DUOX2: variants seen among roughly 807,000 people sequenced by gnomAD.
DUOX2 encodes the protein NADH/NADPH thyroid oxidase p138-tox.
In DUOX2, 185 loss-of-function variants were observed where a neutral mutation model predicts 183.3. The ratio of observed to expected loss-of-function variants is 1.01; its 90% CI spans 0.90 to 1.14. The LOEUF is 1.14. DUOX2 is among the 50% of genes most tolerant of loss of function. DUOX2 has a pLI of 0.00. For synonymous variants in DUOX2, 788 were observed against 812.4 expected (o/e 0.97, Z 0.51); for missense variants, 1,999 against 2,022.9 (o/e 0.99, Z 0.23).
Position 45,108,086 on chromosome 15 carries a change from C to A in DUOX2, c.1535G>T (p.Arg512Leu), listed in dbSNP as rs761874368. 6.2e-7 allele frequency: 1 copy of A among 1,613,984 alleles called. No individual in the cohort carries two copies. The highest frequency in any genetic ancestry group is 8.5e-7 in the Non-Finnish European group (1 of 1,179,972). ...CTCAAACCAGTAGCGGTCACCATCCCGCAGCCGTACAAACTGGTCGAGGAC... is the reference window on the plus strand; with the variant it reads ...CTCAAACCAGTAGCGGTCACCATCCAGCAGCCGTACAAACTGGTCGAGGAC... ...AIVLDQFVRL[R>L]DGDRYWFENT... Residue 512 changes from arginine to leucine, a missense_variant, in exon 13 of 34, where the codon CGG becomes CTG. Physicochemically the swap from Arg to Leu is moderately radical, Grantham distance 102 (BLOSUM62 -2). Around this residue, in one of 3 missense-constraint regions of DUOX2, gnomAD observed 1,628 missense variants for 1,608.6 expected, o/e 1.01. Transcript: ENST00000389039.
In DUOX2 at chr15:45,109,623, G is replaced by A; in HGVS notation, c.1135C>T (p.Pro379Ser). 1 of 1,614,070 alleles carries A rather than the reference G, an allele frequency of 6.2e-7. No homozygotes were observed. The change falls in exon 11 of 34, where the codon CCC (proline) becomes TCC (serine). Residue 379 changes from proline to serine, a missense_variant. Coordinates refer to ENST00000389039, the MANE Select transcript of DUOX2 (RefSeq NM_001363711.2). ...ACCTCCTGGGTACTGTTCAGATTGG[G>A]GTTCTGGAAGTAAACAATGCACTCA... ...VCNNYWIREN[P>S]NLNSTQEVNE...
chr15:45,112,065 C>A, intron 4 of DUOX2, 110 bp from the exon 5 acceptor site: 2 of 1,339,682 alleles, frequency 1.5e-6, no homozygotes, highest in East Asian at 5.0e-5. Context: ...GTCCCAGTGC[C>A]AGCTCCGCCA....
chr15:45,112,436 A>G, intron 4 of DUOX2, 118 bp downstream of exon 4: 1 of 1,277,118 alleles, frequency 7.8e-7, no homozygotes, highest in Non-Finnish European at 1.1e-6. Flanking sequence ...TGCTGCGTAG[A>G]GAGGAAGTGG....
Position 45,104,239 on chromosome 15 carries a change from C to A in DUOX2, c.2461G>T (p.Asp821Tyr). The change falls in exon 19 of 34, where the codon GAC becomes TAC. Residue 821 changes from aspartate (D) to tyrosine (Y), a missense_variant. Physicochemically the swap from Asp to Tyr is radical, Grantham distance 160 (BLOSUM62 -3). Around this residue, in one of 3 missense-constraint regions of DUOX2, gnomAD observed 1,628 missense variants for 1,608.6 expected, o/e 1.01. Transcript: ENST00000389039. ...FAESLGLKPQDMFVESMFSLA... is the reference protein window; with the variant it reads ...FAESLGLKPQYMFVESMFSLA... ...GAGAACATGGACTCCACAAACATGT[C>A]CTGGGGCTTGAGGCCCAGGGACTCG... 1 of 1,614,072 alleles carries A rather than the reference C, an allele frequency of 6.2e-7. No homozygotes were observed. Among genetic ancestry groups the A allele is most frequent in the Non-Finnish European group, 8.5e-7 (1 of 1,179,990 alleles).
intron 3 of DUOX2, 128 bp downstream of exon 3, chr15:45,112,859 T>G (rs1894482526): frequency 6.5e-7 from 1 of 1,531,434 alleles, no homozygotes; most frequent in Non-Finnish European, 9.0e-7. Flanking sequence ...CGGGAGCGCA[T>G]AAGATTGCGC....
rs78412174 is a variant in DUOX2, at chr15:45,108,885, T to C, written c.1302A>G (p.Arg434=). The C allele has an allele frequency of 5.0e-3, 8,133 of 1,614,144 alleles. 370 individuals are homozygous for C. In the African/African-American group the frequency reaches 0.099, roughly 20 times the overall value. The change falls in exon 12 of 34, where the codon CGA becomes CGG. Residue 434 remains arginine (R), a synonymous_variant. Coordinates refer to ENST00000389039, the MANE Select transcript of DUOX2 (RefSeq NM_001363711.2). Reference sequence around the variant, plus strand: ...GGCTATAGCTGGGCAGCCCCATATCTCGGCCACGTTGGATGCTGCTGGCCA... The same window carrying C: ...GGCTATAGCTGGGCAGCCCCATATCCCGGCCACGTTGGATGCTGCTGGCCA... ...DYVASSIQRG[R]DMGLPSYSQA...
chr15:45,108,787 A>G lies in DUOX2; in HGVS notation c.1398+2T>C, dbSNP rs781491435. 1.2e-6 allele frequency: 2 copies of G among 1,614,232 alleles called. No homozygotes were observed. The highest frequency in any genetic ancestry group is 3.3e-5 in the Admixed American group (2 of 60,034). ...GCCATTATTATCATTACTATTCCTG[A>G]CCTGGGGGTCCACATTAGGGTTGAG... On this transcript the variant is annotated splice_donor_variant, in intron 12 of 33. Transcript: ENST00000389039. LOFTEE classifies it high-confidence loss of function.
rs1566975448 is a variant in DUOX2, at chr15:45,106,124, C to A, written c.2148+1G>T. On this transcript the variant is annotated splice_donor_variant, in intron 17 of 33. Transcript: ENST00000389039. LOFTEE classifies it high-confidence loss of function. Reference sequence around the variant, plus strand: ...GGCTGGGGAGGCAGGACGAGCCATACCAGGTCATACTCCTTAGGGATCTTG... The same window carrying A: ...GGCTGGGGAGGCAGGACGAGCCATAACAGGTCATACTCCTTAGGGATCTTG... The A allele has an allele frequency of 6.2e-7, 1 of 1,614,160 alleles. No homozygotes were observed. Among genetic ancestry groups the A allele is most frequent in the East Asian group, 2.2e-5 (1 of 44,882 alleles).
intron 8 of DUOX2, 22 bp from the exon 9 acceptor site, chr15:45,110,546 G>C: frequency 6.2e-7 from 1 of 1,614,050 alleles, no homozygotes; most frequent in Middle Eastern, 1.7e-4. Context: ...AGACGGTGAT[G>C]ATGGGGAGAC....
At chr15:45,095,657 G>A (rs1004375941) in intron 30 of DUOX2, 62 bp from the exon 31 acceptor site, 8 of 1,609,562 alleles carry the variant, frequency 5.0e-6, no homozygotes, top group Non-Finnish European at 6.8e-6. Flanking sequence ...GACCAGAAAC[G>A]GAGACACAGG....
intron 18 of DUOX2, among the ~76,000 whole-genome samples, chr15:45,105,237 AAC>A (rs557376389): frequency 1.4e-3 from 210 of 152,328 alleles, no homozygotes; most frequent in African/African-American, 4.4e-3. Flanking sequence ...AGCTTGTTAA[AAC>A]ACAGATTGCC....
Position 45,100,248 on chromosome 15 carries a change from G to T in DUOX2, c.3006-20C>A, listed in dbSNP as rs1894045504. On this transcript the variant is annotated intron_variant, in intron 23 of 33. Transcript: ENST00000389039. Reference sequence around the variant, plus strand: ...GCTGCCCTATAGCAAGGGGAGGCAGGGCAGCAGTGTGGTAAGGGCCCTCTG... The same window carrying T: ...GCTGCCCTATAGCAAGGGGAGGCAGTGCAGCAGTGTGGTAAGGGCCCTCTG... 6.2e-7 allele frequency: 1 copy of T among 1,609,932 alleles called. No individual in the cohort carries two copies. The highest frequency in any genetic ancestry group is 8.5e-7 in the Non-Finnish European group (1 of 1,178,564).
At chr15:45,109,255 A>G (rs1894313584) in intron 11 of DUOX2, 1 of 600,270 alleles carries the variant, frequency 1.7e-6, no homozygotes, top group African/African-American at 1.9e-5. Context: ...AAACCTTTAG[A>G]GACCTAATTA....
chr15:45,107,718 G>C (rs972235193), intron 13 of DUOX2, among the ~76,000 whole-genome samples: 1 of 151,824 alleles, frequency 6.6e-6, no homozygotes, highest in Non-Finnish European at 1.5e-5. Flanking sequence ...GGGCATGTTG[G>C]TGCATGCCTG....
At chr15:45,108,399 C>T (rs563866912) in intron 12 of DUOX2, 177 bp from the exon 13 acceptor site, 16 of 746,206 alleles carry the variant, frequency 2.1e-5, no homozygotes, top group Admixed American at 4.8e-5. Flanking sequence ...ATCAGTGTGT[C>T]CCTACCCACG....
At chr15:45,097,494 G>T in intron 28 of DUOX2, 103 bp from the exon 29 acceptor site, 1 of 1,612,202 alleles carries the variant, frequency 6.2e-7, no homozygotes, top group Non-Finnish European at 8.5e-7. Flanking sequence ...TAGGGCTGAG[G>T]TCTGGGGTCT....
At position 45,108,693 on chromosome 15, in the gene DUOX2, T is replaced by C. The variant is rs1894296763; in HGVS notation, c.1398+96A>G. 11 of 1,306,464 alleles carry C rather than the reference T, an allele frequency of 8.4e-6. No individual in the cohort carries two copies. The South Asian group carries it at 1.3e-4, about 16-fold the overall frequency. The allele number at this position is 1,306,464 out of a possible 1,614,324, so 80.9% of individuals were successfully genotyped here. A position where few individuals can be genotyped will look rare whatever the true frequency, so the allele number is the denominator to read the frequency against. On this transcript the variant is annotated intron_variant, in intron 12 of 33. Coordinates refer to ENST00000389039, the MANE Select transcript of DUOX2 (RefSeq NM_001363711.2). Reference sequence around the variant, plus strand: ...TGATTATACATACCTTACAATATTATTATGTAGATTAAATGAGTCAACATA... The same window carrying C: ...TGATTATACATACCTTACAATATTACTATGTAGATTAAATGAGTCAACATA...
chr15:45,103,911 G>C lies in DUOX2; in HGVS notation c.2654+49C>G, dbSNP rs930013592. The C allele has an allele frequency of 1.9e-6, 3 of 1,604,896 alleles. No homozygotes were observed. In the East Asian group the frequency reaches 6.7e-5, roughly 36 times the overall value. ...CTCCTCTGACTGGACCTGTTTTCCTGTTTGAAACACACCAGGAAGTCTCAG... is the reference window on the plus strand; with the variant it reads ...CTCCTCTGACTGGACCTGTTTTCCTCTTTGAAACACACCAGGAAGTCTCAG... On this transcript the variant is annotated intron_variant, in intron 20 of 33. Coordinates refer to ENST00000389039, the MANE Select transcript of DUOX2 (RefSeq NM_001363711.2).
intron 29 of DUOX2, among the ~76,000 whole-genome samples, chr15:45,096,350 G>C (rs1436934612): frequency 6.6e-6 from 1 of 152,064 alleles, no homozygotes; most frequent in African/African-American, 2.4e-5. Context: ...AACCTGCTGG[G>C]TAAAGGGACT....
Sources: gnomAD v4.1 joint callset for allele counts (sites outside exome capture counted in the v4.1 genomes callset) on GRCh38, gnomAD v4.1.1 for gene constraint, gnomAD v4.1.1 regional missense constraint, MANE v1.5 for transcripts, NCBI Gene and HGNC (gene_info 2026-07-23, HGNC 2026-07-21) for gene names.